The following ADGRG1 variants were observed in gnomAD, a reference collection of about 807,000 sequenced individuals.
ADGRG1 encodes the protein adhesion G protein-coupled receptor G1.
A neutral mutation model predicts 73.5 loss-of-function variants in ADGRG1; 53 were observed. The observed-to-expected ratio is 0.72, with a 90% CI of 0.58 to 0.91. ADGRG1 has a LOEUF of 0.91. ADGRG1 is among the 40% of genes least tolerant of loss of function. The probability of loss-of-function intolerance (pLI) is 0.00; values close to 1 mark genes in which losing one functional copy is unlikely to be tolerated. For missense variants in ADGRG1, 795 were observed against 871.8 expected, an observed-to-expected ratio of 0.91 and a Z score of 1.11; for synonymous variants, 394 against 374.4, an observed-to-expected ratio of 1.05 and a Z score of -0.60.
rs1429485325 is a variant in ADGRG1 at position 57,661,938 on chromosome 16, C to A, written c.1906C>A (p.Leu636Ile). 1.2e-6 allele frequency: 2 copies of A among 1,614,080 alleles called. No individual in the cohort carries two copies. Among genetic ancestry groups the A allele is most frequent in the East Asian group, 2.2e-5 (1 of 44,906 alleles). ...SGTFQLVVLYLFSIITSFQGF... is the reference protein window; with the variant it reads ...SGTFQLVVLYIFSIITSFQGF... Reference sequence around the variant, plus strand: ...CACCTTCCAGCTTGTCGTCCTCTACCTTTTCAGCATCATCACCTCCTTCCA... The same window carrying A: ...CACCTTCCAGCTTGTCGTCCTCTACATTTTCAGCATCATCACCTCCTTCCA... The change falls in exon 13 of 14, where the codon CTT becomes ATT. Residue 636 changes from leucine (L) to isoleucine (I), a missense_variant. Coordinates refer to ENST00000562631, the MANE Select transcript of ADGRG1 (RefSeq NM_201525.4).
chr16:57,625,715 A>G, upstream of ADGRG1: 2 of 948,518 alleles, frequency 2.1e-6, no homozygotes, highest in Non-Finnish European at 2.5e-6. Flanking sequence ...TTTGAGGGCT[A>G]ATCAGGCCTC....
chr16:57,628,967 TGA>T (rs1567669225), intron 1 of ADGRG1, 165 bp downstream of exon 1: 3 of 582,936 alleles, frequency 5.1e-6, no homozygotes, highest in Admixed American at 8.9e-5. Context: ...TGTGTGAGTG[TGA>T]GTGTGTGAGA....
intron 1 of ADGRG1, 178 bp downstream of exon 1, chr16:57,628,980 G>C (rs1172820974): frequency 3.1e-6 from 1 of 323,406 alleles, no homozygotes; most frequent in Non-Finnish European, 3.7e-6. Flanking sequence ...GTGTGTGAGA[G>C]TGAGTGAGAA....
intron 1 of ADGRG1, chr16:57,631,547 G>C (rs373554550): frequency 1.0e-6 from 1 of 985,632 alleles, no homozygotes; most frequent in African/African-American, 1.7e-5. Context: ...ACTGGAGCTT[G>C]ATCAGGGCTC....
chr16:57,650,016 G>A (rs2043645238), intron 1 of ADGRG1: 3 of 370,930 alleles, frequency 8.1e-6, no homozygotes, highest in Admixed American at 6.4e-5. Context: ...GTGCTCAAGC[G>A]ATCCTCCTTT....
At chr16:57,650,017 A>T (rs925387269) in intron 1 of ADGRG1, 1 of 373,630 alleles carries the variant, frequency 2.7e-6, no homozygotes, top group Admixed American at 6.4e-5. Flanking sequence ...TGCTCAAGCG[A>T]TCCTCCTTTC....
At chr16:57,644,077 C>T in intron 1 of ADGRG1, 1 of 985,362 alleles carries the variant, frequency 1.0e-6, no homozygotes, top group Non-Finnish European at 1.2e-6. Flanking sequence ...GGAGGAAACA[C>T]CTGCAAGAGC....
chr16:57,661,595 G>A (rs2047103617), intron 12 of ADGRG1, 102 bp from the exon 13 acceptor site: 1 of 1,532,212 alleles, frequency 6.5e-7, no homozygotes, highest in African/African-American at 1.4e-5. Context: ...AAGCGCACTT[G>A]CTGTAAACAG....
chr16:57,645,864 C>A (rs1298468650), intron 1 of ADGRG1: 1 of 152,170 alleles, frequency 6.6e-6, no homozygotes, highest in African/African-American at 2.4e-5. Context: ...CAGGAACATG[C>A]GTTAATTTTG....
In ADGRG1 at chr16:57,635,152, C is replaced by T. The variant is rs1273262782; in HGVS notation, c.-36+6350C>T. On this transcript the variant is annotated intron_variant, in intron 1 of 13. Coordinates refer to ENST00000562631, the MANE Select transcript of ADGRG1 (RefSeq NM_201525.4). ...CCCTTGCTCTCCCTTATCCAACAGG[C>T]TTGAACCTGAATAGGGGCATTCCTG... 3 of 985,176 alleles carry T rather than the reference C, an allele frequency of 3.0e-6. No homozygotes were observed. The African/African-American group carries it at 5.2e-5, about 17-fold the overall frequency. The allele number at this position is 985,176 out of a possible 1,614,324, so 61.0% of individuals were successfully genotyped here. A position where few individuals can be genotyped will look rare whatever the true frequency, so the allele number is the denominator to read the frequency against.
intron 3 of ADGRG1, 77 bp from the exon 4 acceptor site, chr16:57,653,126 G>T: frequency 6.3e-7 from 1 of 1,597,392 alleles, no homozygotes; most frequent in Non-Finnish European, 8.5e-7. Context: ...TCATGTCAGG[G>T]TGGTAGGGGG....
intron 1 of ADGRG1, chr16:57,632,999 C>G: frequency 1.0e-6 from 1 of 960,886 alleles, no homozygotes. Context: ...CTCCCAGGCC[C>G]TTTCCCCTCC....
In ADGRG1 at chr16:57,664,345, C is replaced by T. The variant is rs1341400074; in HGVS notation, c.*763C>T. ...AAATGTTTGTCTACTGCACAAGCCT[C>T]GGCCTGCCCCTGAGCCAGGCTCGGT... On this transcript the variant is annotated 3_prime_UTR_variant, in exon 14 of 14. Transcript: ENST00000562631. 10 of 152,520 alleles carry T rather than the reference C, an allele frequency of 6.6e-5. No individual in the cohort carries two copies. The highest frequency in any genetic ancestry group is 1.9e-4 in the East Asian group (1 of 5,178). The allele number at this position is 152,520 out of a possible 1,614,324, so 9.4% of individuals were successfully genotyped here.
chr16:57,647,133 TG>T (rs1334368015), intron 1 of ADGRG1: 33 of 985,220 alleles, frequency 3.3e-5, no homozygotes, highest in Non-Finnish European at 3.7e-5. Context: ...TAGGCAGGGA[TG>T]AAGGAGGGGC....
chr16:57,660,605 G>A, intron 11 of ADGRG1, 163 bp from the exon 12 acceptor site: 1 of 938,686 alleles, frequency 1.1e-6, no homozygotes. Context: ...ATGGGGAGGG[G>A]GAGGGTCCAA....
intron 1 of ADGRG1, chr16:57,637,448 T>C (rs3859050): frequency 0.52 from 508,042 of 984,834 alleles, 133,493 homozygotes; most frequent in African/African-American, 0.8. Flanking sequence ...AAAGGCGTGG[T>C]GTGCCTCGTC....
rs372682617 is a variant in ADGRG1, at chr16:57,647,228, C to T, written c.-35-3025C>T. 17 of 985,288 alleles carry T rather than the reference C, an allele frequency of 1.7e-5. No individual in the cohort carries two copies. In the South Asian group the frequency reaches 2.3e-4, roughly 14 times the overall value. The allele number at this position is 985,288 out of a possible 1,614,324, so 61.0% of individuals were successfully genotyped here. A position where few individuals can be genotyped will look rare whatever the true frequency, so the allele number is the denominator to read the frequency against. On this transcript the variant is annotated intron_variant, in intron 1 of 13. Transcript: ENST00000562631. ...CCCCAGCCCAGCTCTCCTGTCCCAACGGGCTTCTGGAGGAGGGAAGTTTTC... is the reference window on the plus strand; with the variant it reads ...CCCCAGCCCAGCTCTCCTGTCCCAATGGGCTTCTGGAGGAGGGAAGTTTTC...
At chr16:57,634,084 G>A (rs374171018) in intron 1 of ADGRG1, 4 of 985,318 alleles carry the variant, frequency 4.1e-6, no homozygotes, top group Admixed American at 6.1e-5. Context: ...AGGAGGCCTG[G>A]GTTCCAGTCG....
chr16:57,631,646 T>A lies in ADGRG1; in HGVS notation c.-36+2844T>A, dbSNP rs1169314899. 4 of 984,820 alleles carry A rather than the reference T, an allele frequency of 4.1e-6. No homozygotes were observed. In the Admixed American group the frequency reaches 1.8e-4, roughly 46 times the overall value. The allele number at this position is 984,820 out of a possible 1,614,324, so 61.0% of individuals were successfully genotyped here. On this transcript the variant is annotated intron_variant, in intron 1 of 13. Coordinates refer to ENST00000562631, the MANE Select transcript of ADGRG1 (RefSeq NM_201525.4). ...GACATCATGTGAGCAAACCCAGCAG[T>A]CAGGGGTGACCAGACACAGCAACTG...
Sources: gnomAD v4.1 joint callset for allele counts on GRCh38, gnomAD v4.1.1 for gene constraint, MANE v1.5 for transcripts, NCBI Gene and HGNC (gene_info 2026-07-23, HGNC 2026-07-21) for gene names.